The following NRXN1 variants were observed in gnomAD, a reference collection of about 807,000 sequenced individuals.
NRXN1 encodes neurexin 1, also known as neurexin-1.
NRXN1 carries 39 observed loss-of-function variants against 150.9 expected under a neutral mutation model. The observed-to-expected ratio is 0.26, with a 90% CI of 0.20 to 0.34. NRXN1 has a LOEUF of 0.34. Among genes scored for constraint, NRXN1 ranks in the 10% least tolerant of loss-of-function variants. NRXN1 has a pLI of 1.00. For synonymous variants in NRXN1, 924 were observed against 757.0 expected (o/e 1.22, Z -3.62); for missense variants, 1,815 against 1,949.9 (o/e 0.93, Z 1.30).
intron 18 of NRXN1, among the ~76,000 whole-genome samples, chr2:50,113,470 G>C (rs1056225068): frequency 3.3e-5 from 5 of 151,952 alleles, no homozygotes. Context: ...AGTATTTTTT[G>C]TCCATGGAAG....
At chr2:50,307,918 T>G (rs2074786010) in intron 17 of NRXN1, among the ~76,000 whole-genome samples, 1 of 152,310 alleles carries the variant, frequency 6.6e-6, no homozygotes, top group Admixed American at 6.5e-5. Flanking sequence ...ATAATTTCAT[T>G]TATGGAGTTT....
chr2:50,588,034 G>A (rs2103756902), intron 8 of NRXN1, among the ~76,000 whole-genome samples: 1 of 152,236 alleles, frequency 6.6e-6, no homozygotes, highest in South Asian at 2.1e-4. Context: ...CATTTTATCT[G>A]TTAGCTAAAT....
At chr2:50,453,788 G>A (rs2087237866) in intron 17 of NRXN1, among the ~76,000 whole-genome samples, 2 of 152,104 alleles carry the variant, frequency 1.3e-5, no homozygotes, top group African/African-American at 4.8e-5. Flanking sequence ...GAGCACAGAA[G>A]TGATATGCTA....
chr2:51,013,122 A>G (rs1668143386), intron 2 of NRXN1, among the ~76,000 whole-genome samples: 1 of 152,014 alleles, frequency 6.6e-6, no homozygotes, highest in African/African-American at 2.4e-5. Context: ...TACCCTGGAG[A>G]TGGCAAAGCA....
intron 21 of NRXN1, among the ~76,000 whole-genome samples, chr2:49,979,925 G>C (rs1383634038): frequency 7.3e-6 from 1 of 137,768 alleles, no homozygotes; most frequent in Non-Finnish European, 1.6e-5. Flanking sequence ...TTCTGCTACT[G>C]TATTCTTGTG....
chr2:50,791,166 TGTA>T (rs1705945206), intron 5 of NRXN1, among the ~76,000 whole-genome samples: 1 of 150,342 alleles, frequency 6.7e-6, no homozygotes, highest in Non-Finnish European at 1.5e-5. Context: ...AAGTAACACA[TGTA>T]ACTAAGAGTG....
chr2:50,734,611 A>C (rs1391501426), intron 5 of NRXN1, among the ~76,000 whole-genome samples: 1 of 152,130 alleles, frequency 6.6e-6, no homozygotes, highest in East Asian at 1.9e-4. Flanking sequence ...TGCTCATATA[A>C]GGTCCTAAAT....
intron 21 of NRXN1, among the ~76,000 whole-genome samples, chr2:50,039,345 G>A (rs771276614): frequency 9.2e-5 from 14 of 151,742 alleles, no homozygotes; most frequent in Non-Finnish European, 2.1e-4. Context: ...GCACGCCTAT[G>A]GTCCCAGCTA....
chr2:50,977,685 G>T (rs1020210886), intron 2 of NRXN1, among the ~76,000 whole-genome samples: 9 of 151,844 alleles, frequency 5.9e-5, no homozygotes, highest in Non-Finnish European at 7.4e-5. Flanking sequence ...CTAAGTCAGA[G>T]TATGGAATTT....
intron 22 of NRXN1, among the ~76,000 whole-genome samples, chr2:49,940,953 T>C (rs1269089333): frequency 6.6e-6 from 1 of 152,048 alleles, no homozygotes; most frequent in Non-Finnish European, 1.5e-5. Flanking sequence ...AGGGACAAAC[T>C]GAAAGAGAGG....
At chr2:50,048,492 T>C (rs1428985628) in intron 21 of NRXN1, among the ~76,000 whole-genome samples, 2 of 152,158 alleles carry the variant, frequency 1.3e-5, no homozygotes, top group African/African-American at 4.8e-5. Flanking sequence ...AAAATGTATT[T>C]TGTTAGCTCT....
At chr2:50,871,777 C>G (rs189593760) in intron 5 of NRXN1, among the ~76,000 whole-genome samples, 40 of 151,910 alleles carry the variant, frequency 2.6e-4, no homozygotes, top group African/African-American at 9.4e-4. Flanking sequence ...TAGAAAAATT[C>G]ACTTAGTTTA....
In NRXN1 at chr2:50,394,155, C is replaced by G. The variant is rs150370446; in HGVS notation, c.3364+71287G>C. Among the ~76,000 whole-genome samples, 186 of 152,132 alleles carry G rather than the reference C, an allele frequency of 1.2e-3. 1 individual carries two copies. The highest frequency in any genetic ancestry group is 4.1e-3 in the African/African-American group (171 of 41,514). On this transcript the variant is annotated intron_variant, in intron 17 of 22. Coordinates refer to ENST00000401669, the MANE Select transcript of NRXN1 (RefSeq NM_001330078.2). ...GAAGGCTCAGTTTTCATATCTCTTCCCCATCTAAACTCCCTTTCTGGGTAA... is the reference window on the plus strand; with the variant it reads ...GAAGGCTCAGTTTTCATATCTCTTCGCCATCTAAACTCCCTTTCTGGGTAA...
intron 21 of NRXN1, among the ~76,000 whole-genome samples, chr2:49,953,871 G>C (rs904617044): frequency 2.6e-5 from 4 of 152,052 alleles, no homozygotes; most frequent in Non-Finnish European, 1.5e-5. Context: ...TGGGGGACAA[G>C]GGGAGGGAGA....
At chr2:50,555,370 C>T (rs2105358826) in intron 8 of NRXN1, among the ~76,000 whole-genome samples, 1 of 152,194 alleles carries the variant, frequency 6.6e-6, no homozygotes, top group East Asian at 1.9e-4. Flanking sequence ...CAGTCTAAGT[C>T]TGGGCAAGGA....
chr2:51,011,577 C>T (rs1667874415), intron 2 of NRXN1, among the ~76,000 whole-genome samples: 2 of 151,904 alleles, frequency 1.3e-5, no homozygotes, highest in African/African-American at 4.8e-5. Flanking sequence ...CAATGGAAGG[C>T]ACTAGGTCCA....
At chr2:50,520,224 T>C (rs1276589492) in intron 12 of NRXN1, among the ~76,000 whole-genome samples, 1 of 151,906 alleles carries the variant, frequency 6.6e-6, no homozygotes, top group Non-Finnish European at 1.5e-5. Flanking sequence ...TATTTCTGAT[T>C]AGGAACAAAA....
intron 17 of NRXN1, among the ~76,000 whole-genome samples, chr2:50,379,953 T>C (rs1033747866): frequency 6.6e-6 from 1 of 152,112 alleles, no homozygotes; most frequent in African/African-American, 2.4e-5. Flanking sequence ...AGTTTTATTA[T>C]AACAATCCTG....
At chr2:50,718,277 G>A (rs1574227402) in intron 5 of NRXN1, among the ~76,000 whole-genome samples, 1 of 152,062 alleles carries the variant, frequency 6.6e-6, no homozygotes, top group African/African-American at 2.4e-5. Flanking sequence ...GGGCATAAGT[G>A]CATGAGTATG....
Sources: gnomAD v4.1 joint callset for allele counts (sites outside exome capture counted in the v4.1 genomes callset) on GRCh38, gnomAD v4.1.1 for gene constraint, MANE v1.5 for transcripts, NCBI Gene and HGNC (gene_info 2026-07-23, HGNC 2026-07-21) for gene names.